TSPAN32: variants seen among roughly 807,000 people sequenced by gnomAD.
The protein encoded by TSPAN32 is tetraspanin 32.
In TSPAN32, 47 loss-of-function variants were observed where a neutral mutation model predicts 42.7. The observed-to-expected ratio is 1.10, with a 90% CI of 0.87 to 1.40. TSPAN32 has a LOEUF of 1.40. Among genes scored for constraint, TSPAN32 ranks in the 40% most tolerant of loss-of-function variants. TSPAN32 has a pLI of 0.00. For missense variants in TSPAN32, 469 were observed against 424.1 expected, an observed-to-expected ratio of 1.11 and a Z score of -0.93; for synonymous variants, 175 against 175.9, an observed-to-expected ratio of 0.99 and a Z score of 0.04.
intron 3 of TSPAN32, among the ~76,000 whole-genome samples, chr11:2,307,293 T>C (rs1179451335): frequency 6.6e-6 from 1 of 152,202 alleles, no homozygotes; most frequent in Admixed American, 6.5e-5. Flanking sequence ...TGTGTGGGTC[T>C]CCGTCTATCC....
chr11:2,315,334 T>C, intron 6 of TSPAN32: 1 of 1,163,884 alleles, frequency 8.6e-7, no homozygotes, highest in Middle Eastern at 2.5e-4. Flanking sequence ...CAGCCAAGGC[T>C]CTGAGGGCAG....
At chr11:2,309,419 A>T (rs1318466508) in intron 4 of TSPAN32, 2 of 460,472 alleles carry the variant, frequency 4.3e-6, no homozygotes, top group Non-Finnish European at 8.9e-6. Context: ...AAAGGCCAGC[A>T]GCTTGGAGAG....
At position 2,316,307 on chromosome 11, in the gene TSPAN32, C is replaced by G. The variant is rs778426094; in HGVS notation, c.622C>G (p.Leu208Val). 6.3e-7 allele frequency: 1 copy of G among 1,599,220 alleles called. No individual in the cohort carries two copies. Among genetic ancestry groups the G allele is most frequent in the Non-Finnish European group, 8.5e-7 (1 of 1,175,268 alleles). ...ASSLTSIGLA[L>V]TVSALLFSSF... ...CAGCCTGACCAGCATCGGCCTGGCC[C>G]TCACGGTACCCTCTCGCCTCCCTCA... is the stretch of plus-strand genomic sequence containing the variant. Residue 208 changes from leucine (L) to valine (V), a missense_variant, in exon 7 of 10, where the codon CTC (leucine) becomes GTC (valine). Leu to Val is a conservative substitution (Grantham distance 32). Coordinates refer to ENST00000182290, the MANE Select transcript of TSPAN32 (RefSeq NM_139022.3).
intron 7 of TSPAN32, 58 bp downstream of exon 7, chr11:2,316,370 C>T (rs988455801): frequency 4.7e-5 from 73 of 1,553,514 alleles, no homozygotes; most frequent in Non-Finnish European, 6.2e-5. Context: ...GCCTGCCCAG[C>T]CCCCGACTCA....
At chr11:2,311,067 G>A (rs1564962282) in intron 4 of TSPAN32, among the ~76,000 whole-genome samples, 2 of 152,214 alleles carry the variant, frequency 1.3e-5, no homozygotes, top group Non-Finnish European at 2.9e-5. Flanking sequence ...AGCCCAGCCC[G>A]GCCCATTCAC....
intron 2 of TSPAN32, chr11:2,303,392 C>A (rs1847881609): frequency 4.6e-6 from 1 of 217,110 alleles, no homozygotes; most frequent in Non-Finnish European, 9.7e-6. Flanking sequence ...GCTGCTCTAG[C>A]CAGACGCCTC....
chr11:2,304,365 C>G lies in TSPAN32; in HGVS notation c.279+161C>G, dbSNP rs1430004538. 1.3e-5 allele frequency among the ~76,000 whole-genome samples: 2 copies of G among 151,998 alleles called. No homozygotes were observed. The highest frequency in any genetic ancestry group is 3.9e-4 in the East Asian group (2 of 5,178). The stretch of plus-strand genomic sequence containing the variant: ...CGAGACCCCCACGTCAACCCCACAC[C>G]TGAGTATCTAGGCAGAAACAGAGGC... On this transcript the variant is annotated intron_variant, in intron 3 of 9. Transcript: ENST00000182290. The surrounding 1 kb of genome is among the most constrained non-coding windows in gnomAD (Gnocchi z 4.8).
At chr11:2,315,393 G>T (rs1848726087) in intron 6 of TSPAN32, 1 of 1,138,850 alleles carries the variant, frequency 8.8e-7, no homozygotes, top group African/African-American at 1.7e-5. Flanking sequence ...CGGCATTGGG[G>T]GCAGGGCTAA....
chr11:2,311,611 C>CAGCT (rs1397119604), intron 4 of TSPAN32, among the ~76,000 whole-genome samples: 1 of 152,176 alleles, frequency 6.6e-6, no homozygotes, highest in Non-Finnish European at 1.5e-5. Context: ...AGGCCTCCTG[C>CAGCT]AGCTCCTGGT....
chr11:2,304,939 G>A lies in TSPAN32; in HGVS notation c.279+735G>A, dbSNP rs925570611. Among the ~76,000 whole-genome samples, 12 of 152,058 alleles carry A rather than the reference G, an allele frequency of 7.9e-5. No homozygotes were observed. Among genetic ancestry groups the A allele is most frequent in the Middle Eastern group, 3.2e-3 (1 of 316 alleles). On this transcript the variant is annotated intron_variant, in intron 3 of 9. Coordinates refer to ENST00000182290, the MANE Select transcript of TSPAN32 (RefSeq NM_139022.3). The surrounding 1 kb of genome is among the most constrained non-coding windows in gnomAD (Gnocchi z 4.8). ...TGGGGCAGCTCCTCCCTGGCGCCCC[G>A]GGCTCCCACCTGTCCCTCTAGCCTC...
chr11:2,306,130 G>C (rs1487819066), intron 3 of TSPAN32, among the ~76,000 whole-genome samples: 1 of 151,910 alleles, frequency 6.6e-6, no homozygotes, highest in Admixed American at 6.6e-5. Flanking sequence ...GTGTCTGCGT[G>C]TTGCATCTGG....
chr11:2,302,236 G>C, intron 1 of TSPAN32, 21 bp downstream of exon 1: 3 of 1,377,506 alleles, frequency 2.2e-6, no homozygotes, highest in Non-Finnish European at 2.8e-6. Flanking sequence ...GGTCGGGCAG[G>C]AGTGGGTGGT....
chr11:2,317,275 T>A lies in TSPAN32; in HGVS notation c.720-69T>A. Reference sequence around the variant, plus strand: ...CAGCCCCATGATCCCCTCTAGAACATTCCACAATAGCCTCACAGGTCCCCT... The same window carrying A: ...CAGCCCCATGATCCCCTCTAGAACAATCCACAATAGCCTCACAGGTCCCCT... On this transcript the variant is annotated intron_variant, in intron 8 of 9. Transcript: ENST00000182290. The surrounding 1 kb of genome is among the most constrained non-coding windows in gnomAD (Gnocchi z 6.2). 7.7e-7 allele frequency: 1 copy of A among 1,303,396 alleles called. No individual in the cohort carries two copies. Among genetic ancestry groups the A allele is most frequent in the South Asian group, 1.3e-5 (1 of 76,152 alleles). The allele number at this position is 1,303,396 out of a possible 1,614,324, so 80.7% of individuals were successfully genotyped here. A position where few individuals can be genotyped will look rare whatever the true frequency, so the allele number is the denominator to read the frequency against.
In TSPAN32 at chr11:2,315,874, G is replaced by A. The variant is rs781334519; in HGVS notation, c.544-355G>A. ...ATCACCCTCTGGTCACCAAGGTGCTGTGCCCGGCCCTGGGCTGGATGCTGG... is the reference window on the plus strand; with the variant it reads ...ATCACCCTCTGGTCACCAAGGTGCTATGCCCGGCCCTGGGCTGGATGCTGG... On this transcript the variant is annotated intron_variant, in intron 6 of 9. Coordinates refer to ENST00000182290, the MANE Select transcript of TSPAN32 (RefSeq NM_139022.3). 3.2e-4 allele frequency: 454 copies of A among 1,415,328 alleles called. 2 individuals are homozygous for A. The highest frequency in any genetic ancestry group is 1.9e-4 in the Middle Eastern group (1 of 5,294). The allele number at this position is 1,415,328 out of a possible 1,614,324, so 87.7% of individuals were successfully genotyped here. A position where few individuals can be genotyped will look rare whatever the true frequency, so the allele number is the denominator to read the frequency against.
intron 2 of TSPAN32, chr11:2,303,274 C>T: frequency 3.7e-6 from 1 of 268,384 alleles, no homozygotes; most frequent in South Asian, 4.4e-5. Context: ...GGGCTCAGTC[C>T]CAGGCAGGCC....
At chr11:2,309,445 G>C in intron 4 of TSPAN32, 1 of 443,606 alleles carries the variant, frequency 2.3e-6, no homozygotes, top group Non-Finnish European at 4.7e-6. Context: ...AGGCCTCCCT[G>C]GCCCAGCAGA....
At chr11:2,308,862 T>G in intron 4 of TSPAN32, 52 bp downstream of exon 4, 2 of 1,213,218 alleles carry the variant, frequency 1.6e-6, no homozygotes, top group Non-Finnish European at 2.4e-6. Context: ...AGTAAGCCAG[T>G]GGGCACCTGG....
chr11:2,314,140 T>C (rs1387439400), intron 5 of TSPAN32, among the ~76,000 whole-genome samples: 1 of 134,424 alleles, frequency 7.4e-6, no homozygotes, highest in Non-Finnish European at 1.6e-5. Flanking sequence ...CTGAGCAACA[T>C]AGGGAGACCT....
intron 6 of TSPAN32, chr11:2,315,194 T>C: frequency 2.1e-5 from 9 of 429,356 alleles, no homozygotes; most frequent in South Asian, 3.0e-5. Flanking sequence ...CCTGCTCCCC[T>C]CCCCGCTCCC....
Sources: gnomAD v4.1 joint callset for allele counts (sites outside exome capture counted in the v4.1 genomes callset) on GRCh38, gnomAD v4.1.1 for gene constraint, Gnocchi (gnomAD v3.1) non-coding constraint, MANE v1.5 for transcripts, NCBI Gene and HGNC (gene_info 2026-07-23, HGNC 2026-07-21) for gene names.